HS3ST4: variants seen among roughly 807,000 people sequenced by gnomAD.
The protein encoded by HS3ST4 is heparan sulfate glucosamine 3-O-sulfotransferase 4.
Under a neutral mutation model 29.2 loss-of-function variants are expected in HS3ST4, and 17 were observed. That is an observed-to-expected ratio of 0.58 (90% CI 0.40 to 0.87). The LOEUF (loss-of-function observed/expected upper bound fraction) is 0.87. HS3ST4 is among the 40% of genes least tolerant of loss of function. The probability of loss-of-function intolerance (pLI) is 0.00; values close to 1 mark genes in which losing one functional copy is unlikely to be tolerated. For synonymous variants in HS3ST4, 314 were observed against 285.7 expected, an observed-to-expected ratio of 1.10 and a Z score of -1.00; for missense variants, 627 against 634.5, an observed-to-expected ratio of 0.99 and a Z score of 0.13.
At chr16:25,853,903 G>A (rs1967546653) in intron 1 of HS3ST4, among the ~76,000 whole-genome samples, 1 of 152,104 alleles carries the variant, frequency 6.6e-6, no homozygotes, top group Non-Finnish European at 1.5e-5. Context: ...TCCTCTTCAA[G>A]TTCTTGAAAA....
chr16:25,918,028 G>C (rs563876715), intron 1 of HS3ST4, among the ~76,000 whole-genome samples: 1 of 152,176 alleles, frequency 6.6e-6, no homozygotes, highest in Non-Finnish European at 1.5e-5. Flanking sequence ...GATAGGGTGG[G>C]GGGGAGCATC....
At chr16:25,865,630 G>A (rs1267151982) in intron 1 of HS3ST4, among the ~76,000 whole-genome samples, 2 of 152,114 alleles carry the variant, frequency 1.3e-5, no homozygotes, top group African/African-American at 4.8e-5. Flanking sequence ...CAGACATATA[G>A]ACCAATGAAA....
In HS3ST4 at chr16:25,794,896, TACACACACAC is replaced by T. The variant is rs59740575; in HGVS notation, c.734+101779_734+101788del. Among the ~76,000 whole-genome samples, 676 of 136,710 alleles carry T rather than the reference TACACACACAC, an allele frequency of 4.9e-3. 2 individuals carry two copies. Among genetic ancestry groups the T allele is most frequent in the Non-Finnish European group, 6.1e-3 (392 of 64,440 alleles). The allele number at this position is 136,710 out of a possible 152,430, so 89.7% of individuals were successfully genotyped here. ...TATGTGGTAAACCTTTACTCAAGAA[TACACACACAC>T]ACACACACACACACACACACACACA... On this transcript the variant is annotated intron_variant, in intron 1 of 1. Transcript: ENST00000331351.
chr16:25,703,051 C>T (rs1176419840), intron 1 of HS3ST4, among the ~76,000 whole-genome samples: 1 of 152,072 alleles, frequency 6.6e-6, no homozygotes, highest in Non-Finnish European at 1.5e-5. Context: ...CCCTGCTACT[C>T]AGGAGGCTGA....
At chr16:26,070,926 C>A (rs993551826) in intron 1 of HS3ST4, among the ~76,000 whole-genome samples, 25 of 152,292 alleles carry the variant, frequency 1.6e-4, no homozygotes, top group African/African-American at 5.8e-4. Context: ...TGGTACAGAG[C>A]AGAAAGCATT....
chr16:25,820,835 C>T (rs1168209198), intron 1 of HS3ST4, among the ~76,000 whole-genome samples: 4 of 151,804 alleles, frequency 2.6e-5, no homozygotes, highest in East Asian at 1.9e-4. Flanking sequence ...CCTCCCAAAG[C>T]GTTGAGATTA....
intron 1 of HS3ST4, among the ~76,000 whole-genome samples, chr16:25,808,522 A>G (rs1967011128): frequency 6.6e-6 from 1 of 152,108 alleles, no homozygotes; most frequent in Non-Finnish European, 1.5e-5. Context: ...TACTGTGGCT[A>G]TATAGTAGGC....
intron 1 of HS3ST4, among the ~76,000 whole-genome samples, chr16:25,781,035 A>AT (rs1233769686): frequency 5.3e-5 from 8 of 152,174 alleles, no homozygotes; most frequent in Non-Finnish European, 1.0e-4. Context: ...AGCCTGTGCA[A>AT]TTACCAAGAC....
rs115190572 is a variant in HS3ST4, at chr16:25,827,287, C to T, written c.734+134136C>T. 5.6e-3 allele frequency among the ~76,000 whole-genome samples: 851 copies of T among 152,182 alleles called. 5 individuals are homozygous for T. Among genetic ancestry groups the T allele is most frequent in the African/African-American group, 0.019 (807 of 41,516 alleles). On this transcript the variant is annotated intron_variant, in intron 1 of 1. Coordinates refer to ENST00000331351, the MANE Select transcript of HS3ST4 (RefSeq NM_006040.3). ...GTCCGAGCCAGTAAGGGATCAGCTC[C>T]ATAATAGTGTCAGAGTTTGCAATTC...
At chr16:25,964,593 A>G (rs1246595591) in intron 1 of HS3ST4, among the ~76,000 whole-genome samples, 1 of 152,196 alleles carries the variant, frequency 6.6e-6, no homozygotes, top group African/African-American at 2.4e-5. Context: ...CAAAGACCCC[A>G]GCTAGGAAAT....
chr16:26,122,911 G>A (rs2141811540), intron 1 of HS3ST4, among the ~76,000 whole-genome samples: 1 of 152,144 alleles, frequency 6.6e-6, no homozygotes, highest in Middle Eastern at 3.4e-3. Flanking sequence ...AAAATCAGCT[G>A]GGCGTGGTGG....
chr16:25,767,408 C>T (rs565904059), intron 1 of HS3ST4, among the ~76,000 whole-genome samples: 19 of 152,084 alleles, frequency 1.2e-4, no homozygotes, highest in East Asian at 1.9e-4. Flanking sequence ...GAACCCTAAG[C>T]GAATATGTCT....
intron 1 of HS3ST4, among the ~76,000 whole-genome samples, chr16:25,797,910 C>T (rs971117548): frequency 2.0e-5 from 3 of 152,202 alleles, no homozygotes; most frequent in South Asian, 2.1e-4. Context: ...TGAAGGCTGG[C>T]TTCATTCTCC....
At chr16:26,065,352 C>T (rs1898530314) in intron 1 of HS3ST4, among the ~76,000 whole-genome samples, 1 of 152,188 alleles carries the variant, frequency 6.6e-6, no homozygotes, top group Non-Finnish European at 1.5e-5. Flanking sequence ...AGGCCATTAT[C>T]ACTAGCAAAC....
chr16:26,129,230 G>A (rs1899386544), intron 1 of HS3ST4, among the ~76,000 whole-genome samples: 1 of 152,210 alleles, frequency 6.6e-6, no homozygotes, highest in Non-Finnish European at 1.5e-5. Context: ...ACTCCCAGTG[G>A]CAAGTCAGGG....
At chr16:26,057,219 C>T (rs1056705225) in intron 1 of HS3ST4, among the ~76,000 whole-genome samples, 2 of 152,186 alleles carry the variant, frequency 1.3e-5, no homozygotes, top group Non-Finnish European at 2.9e-5. Flanking sequence ...TCAACCTGCC[C>T]TTGATAGGTG....
intron 1 of HS3ST4, among the ~76,000 whole-genome samples, chr16:26,029,538 G>A (rs1268512533): frequency 6.6e-6 from 1 of 151,998 alleles, no homozygotes; most frequent in Non-Finnish European, 1.5e-5. Flanking sequence ...TCAGCCTCCT[G>A]AGTAGCTGGG....
chr16:26,005,391 C>T (rs1011106859), intron 1 of HS3ST4, among the ~76,000 whole-genome samples: 6 of 152,212 alleles, frequency 3.9e-5, no homozygotes, highest in Middle Eastern at 3.4e-3. Context: ...CACTAAGTGA[C>T]GGGAGATAAG....
At chr16:25,801,957 A>G (rs1394162438) in intron 1 of HS3ST4, among the ~76,000 whole-genome samples, 1 of 149,700 alleles carries the variant, frequency 6.7e-6, no homozygotes, top group Non-Finnish European at 1.5e-5. Flanking sequence ...GTGTTCATTT[A>G]TTCACTTACG....
Sources: gnomAD v4.1 joint callset for allele counts (sites outside exome capture counted in the v4.1 genomes callset) on GRCh38, gnomAD v4.1.1 for gene constraint, MANE v1.5 for transcripts, NCBI Gene and HGNC (gene_info 2026-07-23, HGNC 2026-07-21) for gene names.